Variants in RGL1 observed in about 807,000 individuals in gnomAD.
RGL1 encodes ral guanine nucleotide dissociation stimulator-like 1.
RGL1 carries 24 observed loss-of-function variants against 95.2 expected under a neutral mutation model. That is an observed-to-expected ratio of 0.25 (90% confidence interval 0.18 to 0.35). The LOEUF is 0.35. Among genes scored for constraint, RGL1 ranks in the 10% least tolerant of loss-of-function variants. The probability of loss-of-function intolerance (pLI) is 1.00; values close to 1 mark genes in which losing one functional copy is unlikely to be tolerated. For synonymous variants in RGL1, 329 were observed against 344.9 expected, an observed-to-expected ratio of 0.95 and a Z score of 0.51; for missense variants, 715 against 936.3, an observed-to-expected ratio of 0.76 and a Z score of 3.08.
intron 2 of RGL1, among the ~76,000 whole-genome samples, chr1:183,833,204 G>A (rs1419937225): frequency 6.6e-6 from 1 of 152,106 alleles, no homozygotes; most frequent in African/African-American, 2.4e-5. Context: ...ATAACATCAA[G>A]GTGAGTTAAG....
chr1:183,652,326 A>G (rs1358833672), intron 1 of RGL1, among the ~76,000 whole-genome samples: 1 of 152,204 alleles, frequency 6.6e-6, no homozygotes, highest in Non-Finnish European at 1.5e-5. Flanking sequence ...AAGGAGATGG[A>G]GAGGACTGTG....
chr1:183,891,283 A>C (rs1667400745), intron 8 of RGL1, among the ~76,000 whole-genome samples: 1 of 152,150 alleles, frequency 6.6e-6, no homozygotes, highest in Non-Finnish European at 1.5e-5. Context: ...TGCACTCATT[A>C]ACCCTGGAGG....
At chr1:183,753,704 C>T (rs1283146553) in intron 2 of RGL1, among the ~76,000 whole-genome samples, 2 of 152,138 alleles carry the variant, frequency 1.3e-5, no homozygotes, top group African/African-American at 4.8e-5. Context: ...GCTACAAGCC[C>T]AATCCTGAAA....
chr1:183,650,650 A>G (rs1317336025), intron 1 of RGL1, among the ~76,000 whole-genome samples: 1 of 151,552 alleles, frequency 6.6e-6, no homozygotes, highest in African/African-American at 2.4e-5. Context: ...TTTGATAAAT[A>G]TTTCTGTGAG....
At chr1:183,680,383 A>C (rs1186295516) in intron 1 of RGL1, among the ~76,000 whole-genome samples, 2 of 152,130 alleles carry the variant, frequency 1.3e-5, no homozygotes, top group African/African-American at 2.4e-5. Context: ...ATCTTGAGTT[A>C]ATTTTTGTAT....
At chr1:183,837,277 A>C (rs1663729801) in intron 2 of RGL1, among the ~76,000 whole-genome samples, 1 of 152,208 alleles carries the variant, frequency 6.6e-6, no homozygotes, top group African/African-American at 2.4e-5. Flanking sequence ...TTCACAGAGA[A>C]TATTAGGTCA....
chr1:183,666,918 T>C (rs1019799859), intron 1 of RGL1, among the ~76,000 whole-genome samples: 11 of 152,242 alleles, frequency 7.2e-5, no homozygotes, highest in Non-Finnish European at 1.6e-4. Context: ...CTGCAGGCTG[T>C]ATCTGCCCAT....
chr1:183,850,287 C>A (rs1664755443), intron 3 of RGL1, among the ~76,000 whole-genome samples: 2 of 150,804 alleles, frequency 1.3e-5, no homozygotes, highest in African/African-American at 4.9e-5. Context: ...TGTTGCTTAT[C>A]ATATGTTAGA....
At chr1:183,812,231 G>C (rs1457161614) in intron 2 of RGL1, among the ~76,000 whole-genome samples, 2 of 152,182 alleles carry the variant, frequency 1.3e-5, no homozygotes. Context: ...GAAAAGTTTT[G>C]GTTAAGTGGG....
chr1:183,642,344 A>G (rs1398164702), intron 1 of RGL1, among the ~76,000 whole-genome samples: 1 of 152,206 alleles, frequency 6.6e-6, no homozygotes, highest in East Asian at 1.9e-4. Context: ...AGTAAACTAA[A>G]GCTCAGAGAG....
intron 4 of RGL1, among the ~76,000 whole-genome samples, chr1:183,872,671 A>G (rs1008188152): frequency 6.6e-6 from 1 of 152,232 alleles, no homozygotes; most frequent in African/African-American, 2.4e-5. Flanking sequence ...TTAAAGAGAA[A>G]GGAAAGGAGT....
rs192572987 is a variant in RGL1, at chr1:183,642,964, C to T, written c.-33+6463C>T. Among the ~76,000 whole-genome samples, 141 of 152,316 alleles carry T rather than the reference C, an allele frequency of 9.3e-4. 1 individual carries two copies. Among genetic ancestry groups the T allele is most frequent in the South Asian group, 6.8e-3 (33 of 4,830 alleles). ...CAATAACTCCCTGTTCCCTGCTCCC[C>T]AGCCCCTGGCAACCACCATTTTCTA... On this transcript the variant is annotated intron_variant, in intron 1 of 18. Transcript: ENST00000304685.
chr1:183,649,020 T>C (rs1467613791), intron 1 of RGL1, among the ~76,000 whole-genome samples: 1 of 152,256 alleles, frequency 6.6e-6, no homozygotes, highest in African/African-American at 2.4e-5. Context: ...TCTTCAACTT[T>C]ACCTGTTTCA....
At chr1:183,702,973 T>C (rs1654691253) in intron 1 of RGL1, among the ~76,000 whole-genome samples, 1 of 152,202 alleles carries the variant, frequency 6.6e-6, no homozygotes, top group Admixed American at 6.5e-5. Flanking sequence ...GTAACTGCTA[T>C]GCAGTACCTG....
At position 183,716,620 on chromosome 1, in the gene RGL1, T is replaced by C. The variant is rs150319619; in HGVS notation, c.-32-25506T>C. On this transcript the variant is annotated intron_variant, in intron 1 of 18. Transcript: ENST00000304685. ...CAGTCACATGGCTGCACCTAACTGTTTGGGGGCGGCTGAAAAATGTAGTCC... is the reference window on the plus strand; with the variant it reads ...CAGTCACATGGCTGCACCTAACTGTCTGGGGGCGGCTGAAAAATGTAGTCC... Among the ~76,000 whole-genome samples the C allele has an allele frequency of 3.5e-3, 536 of 152,320 alleles. 4 individuals are homozygous for C. Among genetic ancestry groups the C allele is most frequent in the African/African-American group, 0.012 (504 of 41,584 alleles).
intron 2 of RGL1, among the ~76,000 whole-genome samples, chr1:183,747,363 T>C (rs545910295): frequency 6.6e-6 from 1 of 152,354 alleles, no homozygotes; most frequent in Non-Finnish European, 1.5e-5. Flanking sequence ...TGGTGTGAGA[T>C]GGTATCTCAT....
Position 183,774,821 on chromosome 1 carries a change from G to A in RGL1, c.133-31554G>A, listed in dbSNP as rs145051264. ...AAACTCCTGACCTCGTAATCCGCCC[G>A]CCTCAGGCTCCCAAAGTACTGGGAT... On this transcript the variant is annotated intron_variant, in intron 2 of 18. Transcript: ENST00000304685. Among the ~76,000 whole-genome samples the A allele has an allele frequency of 1.8e-3, 276 of 151,976 alleles. 6 individuals carry two copies. In the East Asian group the frequency reaches 0.042, roughly 23 times the overall value.
intron 2 of RGL1, among the ~76,000 whole-genome samples, chr1:183,824,607 C>T (rs1662726533): frequency 6.6e-6 from 1 of 152,196 alleles, no homozygotes; most frequent in Non-Finnish European, 1.5e-5. Flanking sequence ...TTGACCTTAA[C>T]AATTTTGACA....
intron 3 of RGL1, among the ~76,000 whole-genome samples, chr1:183,859,151 T>A (rs184395188): frequency 2.1e-4 from 32 of 152,302 alleles, no homozygotes; most frequent in African/African-American, 7.7e-4. Flanking sequence ...TAACAAGATG[T>A]GTTTGCAGTT....
Sources: allele counts gnomAD v4.1 joint callset (sites outside exome capture counted in the v4.1 genomes callset), GRCh38; gene constraint gnomAD v4.1.1; transcripts MANE v1.5; gene names NCBI Gene and HGNC (gene_info 2026-07-23, HGNC 2026-07-21).